Variants in RTL4 observed in about 807,000 individuals in gnomAD.
The protein encoded by RTL4 is retrotransposon Gag like 4, also known as retrotransposon Gag-like protein 4.
A neutral mutation model predicts 5.3 loss-of-function variants in RTL4; 4 were observed. The observed-to-expected ratio is 0.75, with a 90% CI of 0.37 to 1.72. The LOEUF is 1.72. Among genes scored for constraint, RTL4 ranks in the 40% most tolerant of loss-of-function variants. The pLI, the probability that RTL4 is intolerant of heterozygous loss-of-function variation, is 0.04. For synonymous variants in RTL4, 98 were observed against 87.3 expected (o/e 1.12, Z -0.68); for missense variants, 260 against 227.1 (o/e 1.14, Z -0.93).
At chrX:112,442,979 G>A in the RTL4 span, among the ~76,000 whole-genome samples, 5 of 110,698 alleles carry the variant, frequency 4.5e-5, no homozygotes, top group African/African-American at 1.3e-4. Context: ...CAGTCACACC[G>A]TGTGCTATCA....
At chrX:112,367,681 G>A in the RTL4 span, among the ~76,000 whole-genome samples, 7 of 111,591 alleles carry the variant, frequency 6.3e-5, no homozygotes, top group Non-Finnish European at 1.3e-4. Context: ...GGGATCCTAT[G>A]GTAAAAAAGA....
the RTL4 span, among the ~76,000 whole-genome samples, chrX:112,288,290 T>A: frequency 8.9e-6 from 1 of 112,345 alleles, no homozygotes; most frequent in African/African-American, 3.2e-5. Flanking sequence ...GAGAGAAACA[T>A]GCAAAACTTA....
At chrX:112,236,145 A>G in the RTL4 span, among the ~76,000 whole-genome samples, 3 of 109,557 alleles carry the variant, frequency 2.7e-5, no homozygotes, top group African/African-American at 9.9e-5. Context: ...AAGCTCACCT[A>G]CCAACTTATT....
At chrX:112,392,078 C>T in the RTL4 span, among the ~76,000 whole-genome samples, 1 of 111,506 alleles carries the variant, frequency 9.0e-6, no homozygotes. Flanking sequence ...GACAGTAGCT[C>T]GTTAGAAGTA....
chrX:112,397,611 G>A, the RTL4 span, among the ~76,000 whole-genome samples: 1 of 111,743 alleles, frequency 8.9e-6, no homozygotes, highest in Non-Finnish European at 1.9e-5. Flanking sequence ...TAAGTGTTGA[G>A]CTTTCCAATG....
chrX:112,226,875 G>T, the RTL4 span, among the ~76,000 whole-genome samples: 1 of 107,605 alleles, frequency 9.3e-6, no homozygotes, highest in Non-Finnish European at 1.9e-5. Context: ...GGCGGAGGTT[G>T]CAGTGAGCAC....
chrX:112,186,640 T>C, the RTL4 span, among the ~76,000 whole-genome samples: 1 of 112,021 alleles, frequency 8.9e-6, no homozygotes, highest in Admixed American at 9.5e-5. Flanking sequence ...GTATAAGATC[T>C]AGTCTCTGGC....
chrX:112,257,409 A>G, the RTL4 span, among the ~76,000 whole-genome samples: 1 of 111,255 alleles, frequency 9.0e-6, no homozygotes, highest in Non-Finnish European at 1.9e-5. Context: ...GTCCTATAGT[A>G]GTTCATTTTA....
exon 1 of RTL4, chrX:112,455,583 A>T: frequency 8.3e-7 from 1 of 1,211,617 alleles, no homozygotes; most frequent in Non-Finnish European, 1.1e-6. Context: ...ACTGCAGCCA[A>T]TCTGGTCACT....
chrX:112,161,842 TTC>T, the RTL4 span, among the ~76,000 whole-genome samples: 252 of 43,935 alleles, frequency 5.7e-3, 4 homozygotes, highest in East Asian at 0.1. Flanking sequence ...CCTTCCTTCC[TTC>T]CTTTCTTTCT....
the RTL4 span, among the ~76,000 whole-genome samples, chrX:112,203,568 G>A: frequency 6.3e-5 from 7 of 110,382 alleles, no homozygotes; most frequent in African/African-American, 2.0e-4. Flanking sequence ...TATTCATATG[G>A]GTCGATTTCT....
chrX:112,114,322 G>A, the RTL4 span, among the ~76,000 whole-genome samples: 1 of 111,681 alleles, frequency 9.0e-6, no homozygotes, highest in African/African-American at 3.3e-5. Flanking sequence ...GACCAGTAGG[G>A]AATTTGTCCC....
chrX:112,383,931 T>C, the RTL4 span, among the ~76,000 whole-genome samples: 1 of 111,730 alleles, frequency 9.0e-6, no homozygotes, highest in Non-Finnish European at 1.9e-5. Context: ...CTCAGCATCA[T>C]GCAATATACT....
At chrX:112,271,049 GAAA>G in the RTL4 span, among the ~76,000 whole-genome samples, 686 of 60,833 alleles carry the variant, frequency 0.011, 1 homozygote, top group South Asian at 0.035. Context: ...CCTGGAGACA[GAAA>G]AAAAAAAAAA....
the RTL4 span, among the ~76,000 whole-genome samples, chrX:112,410,060 T>C: frequency 2.7e-5 from 3 of 111,228 alleles, no homozygotes; most frequent in South Asian, 1.1e-3. Context: ...AATAGAAATT[T>C]AAAAAATCGG....
the RTL4 span, among the ~76,000 whole-genome samples, chrX:112,215,107 A>G: frequency 9.0e-6 from 1 of 111,372 alleles, no homozygotes; most frequent in East Asian, 2.8e-4. Flanking sequence ...TTTTTAAAAG[A>G]TTATTTATTT....
the RTL4 span, among the ~76,000 whole-genome samples, chrX:112,333,066 C>A: frequency 9.2e-6 from 1 of 109,174 alleles, no homozygotes; most frequent in Non-Finnish European, 1.9e-5. Context: ...TACCTGTCTT[C>A]TGGTTACTCC....
At chrX:112,154,491 A>T in the RTL4 span, among the ~76,000 whole-genome samples, 4 of 112,199 alleles carry the variant, frequency 3.6e-5, no homozygotes, top group Admixed American at 3.8e-4. Flanking sequence ...TGTTGTTGCC[A>T]TTTATTTTTG....
the RTL4 span, among the ~76,000 whole-genome samples, chrX:112,418,306 T>C: frequency 1.8e-5 from 2 of 111,544 alleles, no homozygotes; most frequent in East Asian, 5.6e-4. Context: ...GGACATAGAT[T>C]TAGGGAAGGA....
Sources: allele counts gnomAD v4.1 joint callset (sites outside exome capture counted in the v4.1 genomes callset), GRCh38; gene constraint gnomAD v4.1.1; transcripts MANE v1.5; gene names NCBI Gene and HGNC (gene_info 2026-07-23, HGNC 2026-07-21).